Variants in NAALADL2 observed in about 807,000 individuals in gnomAD.
NAALADL2 encodes the protein inactive N-acetylated-alpha-linked acidic dipeptidase-like protein 2.
In NAALADL2, 76 loss-of-function variants were observed where a neutral mutation model predicts 87.2. The observed-to-expected ratio is 0.87, with a 90% CI of 0.72 to 1.05. The LOEUF (loss-of-function observed/expected upper bound fraction) is 1.05, where lower values mean the gene tolerates loss of function less well. Ranked by LOEUF, NAALADL2 falls within the 50% of genes least tolerant of loss-of-function variation. The pLI, the probability that NAALADL2 is intolerant of heterozygous loss-of-function variation, is 0.00. For missense variants in NAALADL2, 1,089 were observed against 945.8 expected (o/e 1.15, Z -1.99); for synonymous variants, 354 against 331.0 (o/e 1.07, Z -0.75).
chr3:175,533,614 C>G lies in NAALADL2; in HGVS notation c.1654-42427C>G, dbSNP rs182925859. 2.0e-3 allele frequency among the ~76,000 whole-genome samples: 299 copies of G among 152,300 alleles called. 1 individual carries two copies. Among genetic ancestry groups the G allele is most frequent in the African/African-American group, 6.8e-3 (281 of 41,572 alleles). On this transcript the variant is annotated intron_variant, in intron 9 of 13. Transcript: ENST00000454872. ...CCAGCTTCATCAGGGTCCTCCCACACGTCCCCATTCCAAGTTGCAGGGTCC... is the reference window on the plus strand; with the variant it reads ...CCAGCTTCATCAGGGTCCTCCCACAGGTCCCCATTCCAAGTTGCAGGGTCC...
intron 4 of NAALADL2, among the ~76,000 whole-genome samples, chr3:175,311,295 A>T (rs928722219): frequency 1.3e-5 from 2 of 151,024 alleles, no homozygotes; most frequent in Non-Finnish European, 2.9e-5. Flanking sequence ...AAATAACATT[A>T]TATGAATTTA....
chr3:175,294,091 A>C (rs1480616389), intron 4 of NAALADL2, among the ~76,000 whole-genome samples: 1 of 152,188 alleles, frequency 6.6e-6, no homozygotes, highest in Non-Finnish European at 1.5e-5. Flanking sequence ...CCAGGGACAT[A>C]AAATTCTAAC....
At chr3:174,720,241 T>A (rs1731581369) in intron 2 of NAALADL2, among the ~76,000 whole-genome samples, 1 of 152,234 alleles carries the variant, frequency 6.6e-6, no homozygotes, top group Admixed American at 6.5e-5. Flanking sequence ...AAAATGTGAT[T>A]TATTTTTTAA....
In NAALADL2 at chr3:174,761,883, G is replaced by GT. The variant is rs1454814204; in HGVS notation, c.-9+24143dup. ...TGTTTGGTTTTTTGTCCTTGTGATA[G>GT]TTTTTTGCAATTACTTTTAATGGCA... is the stretch of plus-strand genomic sequence containing the variant. On this transcript the variant is annotated intron_variant, in intron 3 of 3. Coordinates refer to the NAALADL2 transcript ENST00000434257. Among the ~76,000 whole-genome samples, 3 of 151,298 alleles carry GT rather than the reference G, an allele frequency of 2.0e-5. No individual in the cohort carries two copies. In the South Asian group the frequency reaches 6.3e-4, roughly 32 times the overall value.
intron 2 of NAALADL2, among the ~76,000 whole-genome samples, chr3:175,166,742 C>A (rs544913722): frequency 2.1e-4 from 32 of 152,136 alleles, no homozygotes; most frequent in Non-Finnish European, 3.8e-4. Context: ...CCCCTGTTCT[C>A]CTCAAATTTC....
chr3:175,746,562 C>T (rs923872575), intron 12 of NAALADL2, among the ~76,000 whole-genome samples: 3 of 152,060 alleles, frequency 2.0e-5, no homozygotes, highest in African/African-American at 7.2e-5. Context: ...CTCAGAAGTC[C>T]AAGGCAGCCT....
chr3:174,726,065 C>A (rs1467827982), intron 2 of NAALADL2, among the ~76,000 whole-genome samples: 2 of 152,160 alleles, frequency 1.3e-5, no homozygotes, highest in Non-Finnish European at 2.9e-5. Flanking sequence ...TTCACTACCA[C>A]ATTGAAACTA....
chr3:174,533,434 C>T (rs893535708), intron 1 of NAALADL2, among the ~76,000 whole-genome samples: 1 of 152,128 alleles, frequency 6.6e-6, no homozygotes, highest in African/African-American at 2.4e-5. Flanking sequence ...TATTGGCTCT[C>T]AAAAGCTACA....
chr3:175,575,756 G>A (rs973077157), intron 9 of NAALADL2, among the ~76,000 whole-genome samples: 1 of 152,250 alleles, frequency 6.6e-6, no homozygotes, highest in African/African-American at 2.4e-5. Context: ...TTCAGCTTAT[G>A]ATAAAAAATG....
rs1174540439 is a variant in NAALADL2 at position 174,781,931 on chromosome 3, G to C, written c.-9+44185G>C. 3.3e-5 allele frequency among the ~76,000 whole-genome samples: 5 copies of C among 152,200 alleles called. No individual in the cohort carries two copies. In the East Asian group the frequency reaches 9.7e-4, roughly 29 times the overall value. ...TTTCCTTTATTGATGTAAATATAAA[G>C]GAATACTCCACGTGTTCATGTATTA... On this transcript the variant is annotated intron_variant, in intron 3 of 3. Transcript: ENST00000434257.
At chr3:175,161,038 AC>A (rs1413333185) in intron 2 of NAALADL2, among the ~76,000 whole-genome samples, 1 of 152,160 alleles carries the variant, frequency 6.6e-6, no homozygotes, top group Non-Finnish European at 1.5e-5. Context: ...CAAAAATTTT[AC>A]AAAAAAGTAC....
At position 175,752,478 on chromosome 3, in the gene NAALADL2, A is replaced by T. The variant is rs546461448; in HGVS notation, c.1991-2742A>T. Among the ~76,000 whole-genome samples, 425 of 152,246 alleles carry T rather than the reference A, an allele frequency of 2.8e-3. 1 individual carries two copies. The highest frequency in any genetic ancestry group is 9.6e-3 in the African/African-American group (399 of 41,558). Reference sequence around the variant, plus strand: ...GTAAGGTTTCTTTCTGGTCTTATTTAAAAGAACAAGCAAGCTCTAATTGGC... The same window carrying T: ...GTAAGGTTTCTTTCTGGTCTTATTTTAAAGAACAAGCAAGCTCTAATTGGC... On this transcript the variant is annotated intron_variant, in intron 12 of 13. Coordinates refer to ENST00000454872, the MANE Select transcript of NAALADL2 (RefSeq NM_207015.3).
chr3:174,539,517 T>C (rs780505002), intron 1 of NAALADL2, among the ~76,000 whole-genome samples: 15 of 152,148 alleles, frequency 9.9e-5, no homozygotes, highest in Non-Finnish European at 1.8e-4. Context: ...AGTTCTTCAT[T>C]CTAGAGACTT....
At chr3:175,304,071 A>G (rs1757407295) in intron 4 of NAALADL2, among the ~76,000 whole-genome samples, 1 of 152,132 alleles carries the variant, frequency 6.6e-6, no homozygotes, top group African/African-American at 2.4e-5. Context: ...CCAAATCCAA[A>G]TGTTGATTTT....
intron 4 of NAALADL2, among the ~76,000 whole-genome samples, chr3:175,277,726 A>G (rs1252891901): frequency 1.3e-5 from 2 of 152,208 alleles, no homozygotes; most frequent in Non-Finnish European, 2.9e-5. Context: ...TCCTTAAATA[A>G]TCTGAGATTG....
intron 3 of NAALADL2, among the ~76,000 whole-genome samples, chr3:174,742,915 A>C (rs576751316): frequency 1.3e-5 from 2 of 151,740 alleles, no homozygotes; most frequent in East Asian, 1.9e-4. Flanking sequence ...CTCATCATAC[A>C]ATAGGATATT....
intron 1 of NAALADL2, among the ~76,000 whole-genome samples, chr3:174,500,589 G>GT (rs1180264854): frequency 1.3e-5 from 2 of 152,016 alleles, no homozygotes; most frequent in African/African-American, 4.8e-5. Flanking sequence ...AATGGACATT[G>GT]TTTTTTTAAA....
intron 9 of NAALADL2, among the ~76,000 whole-genome samples, chr3:175,561,791 A>G (rs1008052744): frequency 3.9e-5 from 6 of 152,202 alleles, no homozygotes; most frequent in Non-Finnish European, 8.8e-5. Flanking sequence ...AGGCTTTAAC[A>G]TATGACTTTT....
chr3:175,349,991 C>T (rs769447043), intron 5 of NAALADL2, among the ~76,000 whole-genome samples: 3 of 150,624 alleles, frequency 2.0e-5, no homozygotes, highest in Non-Finnish European at 4.4e-5. Context: ...GTGACTCCTC[C>T]GAAGGCACTT....
Sources: gnomAD v4.1 joint callset for allele counts (sites outside exome capture counted in the v4.1 genomes callset) on GRCh38, gnomAD v4.1.1 for gene constraint, MANE v1.5 for transcripts, NCBI Gene and HGNC (gene_info 2026-07-23, HGNC 2026-07-21) for gene names.